NEDD4L: variants seen among roughly 807,000 people sequenced by gnomAD.
NEDD4L encodes NEDD4 like E3 ubiquitin protein ligase.
A neutral mutation model predicts 148.9 loss-of-function variants in NEDD4L; 54 were observed. That is an observed-to-expected ratio of 0.36 (90% CI 0.29 to 0.45). The LOEUF (loss-of-function observed/expected upper bound fraction) is 0.45, where lower values mean the gene tolerates loss of function less well. Among genes scored for constraint, NEDD4L ranks in the 20% least tolerant of loss-of-function variants. NEDD4L has a pLI of 1.00. For synonymous variants in NEDD4L, 433 were observed against 440.7 expected (o/e 0.98, Z 0.22); for missense variants, 856 against 1,233.8 (o/e 0.69, Z 4.59).
rs187265551 is a variant in NEDD4L, at chr18:58,193,666, T to C, written c.122+27805T>C. Among the ~76,000 whole-genome samples the C allele has an allele frequency of 3.0e-3, 461 of 152,328 alleles. 1 individual carries two copies. The highest frequency in any genetic ancestry group is 4.7e-3 in the Non-Finnish European group (319 of 68,038). ...TCTGAGACCCTGCTGGACCTAGATA[T>C]ATTCACCAGAGATGGGTGAAGGCTT... On this transcript the variant is annotated intron_variant, in intron 2 of 30. Coordinates refer to ENST00000400345, the MANE Select transcript of NEDD4L (RefSeq NM_001144967.3).
intron 1 of NEDD4L, among the ~76,000 whole-genome samples, chr18:58,086,290 G>A (rs1179183772): frequency 6.6e-6 from 1 of 152,036 alleles, no homozygotes; most frequent in Non-Finnish European, 1.5e-5. Context: ...AAAATAAGAC[G>A]AGATTTTCAT....
At chr18:58,083,708 C>CAA (rs2083592537) in intron 1 of NEDD4L, among the ~76,000 whole-genome samples, 1 of 151,096 alleles carries the variant, frequency 6.6e-6, no homozygotes, top group African/African-American at 2.4e-5. Flanking sequence ...AAAAACAAAA[C>CAA]AACAACAACA....
At chr18:58,264,156 T>C (rs1236176623) in intron 5 of NEDD4L, among the ~76,000 whole-genome samples, 1 of 152,166 alleles carries the variant, frequency 6.6e-6, no homozygotes, top group East Asian at 1.9e-4. Flanking sequence ...TCTTTTTTGC[T>C]AACTTCTTAC....
chr18:58,136,222 A>G (rs1418848898), intron 1 of NEDD4L, among the ~76,000 whole-genome samples: 1 of 152,190 alleles, frequency 6.6e-6, no homozygotes, highest in African/African-American at 2.4e-5. Flanking sequence ...TGGCAAAGAA[A>G]GTACATCAGG....
chr18:58,157,896 TGTTA>T (rs1186683052), intron 1 of NEDD4L, among the ~76,000 whole-genome samples: 3 of 152,268 alleles, frequency 2.0e-5, no homozygotes, highest in African/African-American at 7.2e-5. Flanking sequence ...TCACAATGTA[TGTTA>T]GTTATCTATT....
intron 11 of NEDD4L, among the ~76,000 whole-genome samples, chr18:58,331,531 T>C (rs1329329560): frequency 6.6e-6 from 1 of 152,190 alleles, no homozygotes; most frequent in Non-Finnish European, 1.5e-5. Flanking sequence ...AAACATACTT[T>C]CTAGAAGCTT....
chr18:58,044,758 C>T lies in NEDD4L; in HGVS notation c.48+50C>T, dbSNP rs756240743. ...GGGACTCCCCGGGGAGTTCCTATCC[C>T]GCGCCGGCAGGGGGAGGGGAAAGGG... On this transcript the variant is annotated intron_variant, in intron 1 of 30. Coordinates refer to ENST00000400345, the MANE Select transcript of NEDD4L (RefSeq NM_001144967.3). 14 of 1,587,866 alleles carry T rather than the reference C, an allele frequency of 8.8e-6. No individual in the cohort carries two copies. The South Asian group carries it at 1.6e-4, about 18-fold the overall frequency.
chr18:58,389,151 G>C lies in NEDD4L; in HGVS notation c.2614G>C (p.Gly872Arg), dbSNP rs746532070. The C allele has an allele frequency of 1.9e-6, 3 of 1,613,808 alleles. No individual in the cohort carries two copies. The highest frequency in any genetic ancestry group is 1.1e-5 in the South Asian group (1 of 91,068). The stretch of plus-strand genomic sequence containing the variant: ...GAGACAGCATTCTATTTACAAGAAC[G>C]GCTACTGCCCAAACCACCCCGTCAT... The part of the protein sequence containing the change: ...DWRQHSIYKN[G>R]YCPNHPVIQW... Residue 872 changes from glycine to arginine, a missense_variant, in exon 28 of 31, where the codon GGC becomes CGC. Physicochemically the swap from Gly to Arg is moderately radical, Grantham distance 125 (BLOSUM62 -2). Coordinates refer to ENST00000400345, the MANE Select transcript of NEDD4L (RefSeq NM_001144967.3).
intron 24 of NEDD4L, among the ~76,000 whole-genome samples, chr18:58,376,276 G>A (rs1601861358): frequency 6.6e-6 from 1 of 152,126 alleles, no homozygotes; most frequent in Admixed American, 6.5e-5. Flanking sequence ...ATTAAAAACA[G>A]TTCTCAGACC....
At chr18:58,254,828 C>T (rs761519286) in intron 5 of NEDD4L, among the ~76,000 whole-genome samples, 6 of 152,166 alleles carry the variant, frequency 3.9e-5, no homozygotes, top group Non-Finnish European at 7.3e-5. Context: ...TGTAGCAAGT[C>T]GGGCCCCCTC....
chr18:58,385,726 C>T, intron 26 of NEDD4L, 140 bp downstream of exon 26: 4 of 692,746 alleles, frequency 5.8e-6, no homozygotes, highest in Non-Finnish European at 1.0e-5. Context: ...AGACCGGGAT[C>T]GCACAGCTCA....
At chr18:58,349,830 T>C (rs910195270) in intron 17 of NEDD4L, among the ~76,000 whole-genome samples, 2 of 152,242 alleles carry the variant, frequency 1.3e-5, no homozygotes. Context: ...TCTGAATTGC[T>C]AGCTTCTAGC....
At chr18:58,318,850 A>T (rs1472854560) in intron 6 of NEDD4L, among the ~76,000 whole-genome samples, 1 of 152,164 alleles carries the variant, frequency 6.6e-6, no homozygotes, top group East Asian at 1.9e-4. Flanking sequence ...CCAGCCACAA[A>T]ATCTCTTCGT....
At chr18:58,351,482 C>A (rs759310396) in intron 18 of NEDD4L, among the ~76,000 whole-genome samples, 2 of 152,234 alleles carry the variant, frequency 1.3e-5, no homozygotes, top group Non-Finnish European at 2.9e-5. Flanking sequence ...CCGCTCTGAC[C>A]TTATTTTCTA....
Position 58,295,077 on chromosome 18 carries a change from G to A in NEDD4L, c.298-20905G>A, listed in dbSNP as rs199514627. ...ATCATCAGCATCCCCCACCAGAGTG[G>A]TATGTTTGTTACAGTTGATGAGCCG... On this transcript the variant is annotated intron_variant, in intron 5 of 30. Coordinates refer to ENST00000400345, the MANE Select transcript of NEDD4L (RefSeq NM_001144967.3). Among the ~76,000 whole-genome samples, 5 of 152,244 alleles carry A rather than the reference G, an allele frequency of 3.3e-5. No individual in the cohort carries two copies. The East Asian group carries it at 9.6e-4, about 29-fold the overall frequency.
intron 1 of NEDD4L, among the ~76,000 whole-genome samples, chr18:58,052,202 T>C (rs979581654): frequency 6.6e-6 from 1 of 152,244 alleles, no homozygotes; most frequent in Non-Finnish European, 1.5e-5. Flanking sequence ...TTATCACAAC[T>C]ACTGGTGTTT....
At chr18:58,291,320 C>T (rs1568595583) in intron 5 of NEDD4L, among the ~76,000 whole-genome samples, 1 of 152,238 alleles carries the variant, frequency 6.6e-6, no homozygotes, top group Non-Finnish European at 1.5e-5. Flanking sequence ...TCTCATTAGC[C>T]AAAACTGGTA....
chr18:58,062,138 G>A (rs1440542599), intron 1 of NEDD4L, among the ~76,000 whole-genome samples: 5 of 152,210 alleles, frequency 3.3e-5, no homozygotes, highest in Non-Finnish European at 4.4e-5. Flanking sequence ...TTGAGATTGA[G>A]ATAGTTGTTT....
At chr18:58,176,195 C>T (rs1024917133) in intron 2 of NEDD4L, among the ~76,000 whole-genome samples, 1 of 152,126 alleles carries the variant, frequency 6.6e-6, no homozygotes, top group African/African-American at 2.4e-5. Flanking sequence ...TTCTTTCTCT[C>T]TCTCACTCTC....
Sources: allele counts gnomAD v4.1 joint callset (sites outside exome capture counted in the v4.1 genomes callset), GRCh38; gene constraint gnomAD v4.1.1; transcripts MANE v1.5; gene names NCBI Gene and HGNC (gene_info 2026-07-23, HGNC 2026-07-21).